Variants in PRKCB observed in about 807,000 individuals in gnomAD.
PRKCB encodes protein kinase C beta, also known as protein kinase C beta type.
A neutral mutation model predicts 81.5 loss-of-function variants in PRKCB; 13 were observed. That is an observed-to-expected ratio of 0.16 (90% CI 0.10 to 0.25). PRKCB has a LOEUF of 0.25. PRKCB is among the 10% of genes least tolerant of loss of function. The probability of loss-of-function intolerance (pLI) is 1.00; values close to 1 mark genes in which losing one functional copy is unlikely to be tolerated. For missense variants in PRKCB, 509 were observed against 875.7 expected, an observed-to-expected ratio of 0.58 and a Z score of 5.29; for synonymous variants, 335 against 321.4, an observed-to-expected ratio of 1.04 and a Z score of -0.45.
At chr16:23,878,148 A>G (rs1963047667) in intron 2 of PRKCB, among the ~76,000 whole-genome samples, 1 of 152,108 alleles carries the variant, frequency 6.6e-6, no homozygotes, top group Admixed American at 6.6e-5. Context: ...ACTTCTTGTC[A>G]TTCACAGTAG....
At chr16:23,887,089 C>CTTCTTGCT (rs536433711) in intron 2 of PRKCB, among the ~76,000 whole-genome samples, 1 of 151,744 alleles carries the variant, frequency 6.6e-6, no homozygotes, top group African/African-American at 2.4e-5. Flanking sequence ...TCTTTCTTTC[C>CTTCTTGCT]TTCTTGCTTT....
chr16:23,857,614 G>A (rs1044245183), intron 2 of PRKCB, among the ~76,000 whole-genome samples: 2 of 152,146 alleles, frequency 1.3e-5, no homozygotes, highest in East Asian at 3.8e-4. Flanking sequence ...AAGGGCCATA[G>A]GGGGGCCAGG....
chr16:24,082,769 C>G (rs552306198), intron 5 of PRKCB, among the ~76,000 whole-genome samples: 2 of 151,704 alleles, frequency 1.3e-5, no homozygotes, highest in Non-Finnish European at 2.9e-5. Context: ...AGGAGAAAAT[C>G]TTTATGACCT....
intron 3 of PRKCB, among the ~76,000 whole-genome samples, chr16:24,001,788 A>AT (rs564741676): frequency 8.5e-5 from 13 of 152,142 alleles, no homozygotes; most frequent in East Asian, 5.8e-4. Flanking sequence ...AACCTTTACA[A>AT]TTTTTTTTAA....
rs567836332 is a variant in PRKCB at position 24,194,756 on chromosome 16, C to A, written c.1863+3526C>A. Among the ~76,000 whole-genome samples, 5 of 152,340 alleles carry A rather than the reference C, an allele frequency of 3.3e-5. No homozygotes were observed. The South Asian group carries it at 1.0e-3, about 32-fold the overall frequency. ...GTTCTGCATTTGATATGATTTCCCACTGACCTGTGTCTTGAATTCCTCCAT... is the reference window on the plus strand; with the variant it reads ...GTTCTGCATTTGATATGATTTCCCAATGACCTGTGTCTTGAATTCCTCCAT... On this transcript the variant is annotated intron_variant, in intron 16 of 16. Transcript: ENST00000643927.
rs150950979 is a variant in PRKCB, at chr16:24,087,250, G to A, written c.530-5541G>A. On this transcript the variant is annotated intron_variant, in intron 5 of 16. Coordinates refer to ENST00000643927, the MANE Select transcript of PRKCB (RefSeq NM_002738.7). Reference sequence around the variant, plus strand: ...CTAATTGAACCACTAATGCCTTCACGCTTCTTTCTTAAACAAAGAGGCATT... The same window carrying A: ...CTAATTGAACCACTAATGCCTTCACACTTCTTTCTTAAACAAAGAGGCATT... Among the ~76,000 whole-genome samples, 12 of 152,254 alleles carry A rather than the reference G, an allele frequency of 7.9e-5. No homozygotes were observed. The East Asian group carries it at 1.9e-3, about 24-fold the overall frequency.
intron 2 of PRKCB, among the ~76,000 whole-genome samples, chr16:23,879,391 T>TTCCAG (rs1049059408): frequency 3.9e-5 from 6 of 152,022 alleles, no homozygotes; most frequent in African/African-American, 1.4e-4. Flanking sequence ...CCTTGAGGTT[T>TTCCAG]TCCAGGCACC....
At chr16:24,197,515 G>A (rs1967897412) in intron 16 of PRKCB, among the ~76,000 whole-genome samples, 1 of 152,036 alleles carries the variant, frequency 6.6e-6, no homozygotes. Context: ...GGGGGTGTGA[G>A]ATCAGAGAGG....
At chr16:23,937,032 C>T (rs1222132904) in intron 2 of PRKCB, among the ~76,000 whole-genome samples, 1 of 152,122 alleles carries the variant, frequency 6.6e-6, no homozygotes, top group Non-Finnish European at 1.5e-5. Flanking sequence ...GTTTTCTTTT[C>T]TTTTTTTCCA....
Position 24,217,027 on chromosome 16 carries a change from C to T in PRKCB, c.*2211C>T, listed in dbSNP as rs1968237856. The T allele has an allele frequency of 2.0e-6, 2 of 983,948 alleles. No homozygotes were observed. Among genetic ancestry groups the T allele is most frequent in the Admixed American group, 6.2e-5 (1 of 16,040 alleles). The allele number at this position is 983,948 out of a possible 1,614,324, so 61.0% of individuals were successfully genotyped here. A position where few individuals can be genotyped will look rare whatever the true frequency, so the allele number is the denominator to read the frequency against. ...GGAAGATAAAAACCATGGAGAAACA[C>T]TAGGCCATTGACAAATGATCTGAGA... is the stretch of plus-strand genomic sequence containing the variant. On this transcript the variant is annotated 3_prime_UTR_variant, in exon 17 of 17. Transcript: ENST00000643927.
At chr16:24,094,906 CG>C (rs1966421708) in intron 7 of PRKCB, among the ~76,000 whole-genome samples, 2 of 147,586 alleles carry the variant, frequency 1.4e-5, no homozygotes, top group South Asian at 4.3e-4. Context: ...GAAAGAAAGA[CG>C]GAAAGCAGGA....
chr16:23,919,387 C>CAA (rs55957044), intron 2 of PRKCB, among the ~76,000 whole-genome samples: 57,580 of 145,776 alleles, frequency 0.39, 11,579 homozygotes, highest in South Asian at 0.56. Context: ...GACGAATTTG[C>CAA]AAAAAAAAAA....
At chr16:24,002,685 A>G (rs968060400) in intron 3 of PRKCB, among the ~76,000 whole-genome samples, 2 of 152,114 alleles carry the variant, frequency 1.3e-5, no homozygotes, top group African/African-American at 2.4e-5. Context: ...GTGGTTATGG[A>G]CAAGATCAGA....
intron 2 of PRKCB, 99 bp downstream of exon 2, chr16:23,837,505 C>A: frequency 6.8e-7 from 1 of 1,461,312 alleles, no homozygotes. Context: ...GAAAGAATCA[C>A]GTTGGTCGGA....
intron 2 of PRKCB, among the ~76,000 whole-genome samples, chr16:23,936,614 G>A (rs186684994): frequency 1.5e-4 from 19 of 125,208 alleles, no homozygotes; most frequent in African/African-American, 5.5e-4. Context: ...TGCATTTTTG[G>A]TAGAGACAGA....
rs748776658 is a variant in PRKCB at position 24,032,143 on chromosome 16, G to A, written c.296G>A (p.Arg99His). The change falls in exon 4 of 17, where the codon CGC becomes CAC. Residue 99 changes from arginine (R) to histidine (H), a missense_variant. Coordinates refer to ENST00000643927, the MANE Select transcript of PRKCB (RefSeq NM_002738.7). ...ADKGPASDDP[R>H]SKHKFKIHTY... is the part of the protein sequence containing the mutation. ...TGTTTCTCTTGGCTCCAGGACCCCC[G>A]CAGCAAACACAAGTTTAAGATCCAC... The A allele has an allele frequency of 3.7e-6, 6 of 1,612,400 alleles. No individual in the cohort carries two copies. The highest frequency in any genetic ancestry group is 1.7e-4 in the Middle Eastern group (1 of 6,056).
Position 24,213,416 on chromosome 16 carries a change from G to A in PRKCB, c.1864-1242G>A, listed in dbSNP as rs139363612. 1.3e-4 allele frequency among the ~76,000 whole-genome samples: 20 copies of A among 152,240 alleles called. 1 individual carries two copies. In the East Asian group the frequency reaches 3.9e-3, roughly 29 times the overall value. ...CATCTTGCTCTGCTATTGGTTTGCTGAGATTATGAACAAATTACATAGTCT... is the reference window on the plus strand; with the variant it reads ...CATCTTGCTCTGCTATTGGTTTGCTAAGATTATGAACAAATTACATAGTCT... On this transcript the variant is annotated intron_variant, in intron 16 of 16. Transcript: ENST00000643927.
At chr16:23,920,700 A>G (rs1197356535) in intron 2 of PRKCB, among the ~76,000 whole-genome samples, 3 of 152,162 alleles carry the variant, frequency 2.0e-5, no homozygotes, top group Non-Finnish European at 2.9e-5. Flanking sequence ...CAGGCTGCTC[A>G]GGGCTGGGGC....
chr16:24,212,461 C>CTTTTTTTTTTTTTTTTT (rs975667798), intron 16 of PRKCB, among the ~76,000 whole-genome samples: 8 of 78,042 alleles, frequency 1.0e-4, no homozygotes, highest in African/African-American at 2.0e-4. Context: ...CTTTTTTTTC[C>CTTTTTTTTTTTTTTTTT]TTTTTTTTTT....
Sources: gnomAD v4.1 joint callset for allele counts (sites outside exome capture counted in the v4.1 genomes callset) on GRCh38, gnomAD v4.1.1 for gene constraint, MANE v1.5 for transcripts, NCBI Gene and HGNC (gene_info 2026-07-23, HGNC 2026-07-21) for gene names.